Variants in ATP23 observed in about 807,000 individuals in gnomAD.
ATP23 encodes ATP23 metallopeptidase and ATP synthase assembly factor homolog.
A neutral mutation model predicts 28.5 loss-of-function variants in ATP23; 24 were observed. That is an observed-to-expected ratio of 0.84 (90% confidence interval 0.61 to 1.18). The LOEUF (loss-of-function observed/expected upper bound fraction) is 1.18, where lower values mean the gene tolerates loss of function less well. Ranked by LOEUF, ATP23 falls within the 50% of genes most tolerant of loss-of-function variation. The pLI, the probability that ATP23 is intolerant of heterozygous loss-of-function variation, is 0.00. For missense variants in ATP23, 274 were observed against 306.4 expected, an observed-to-expected ratio of 0.89 and a Z score of 0.79; for synonymous variants, 99 against 108.6, an observed-to-expected ratio of 0.91 and a Z score of 0.55.
intron 1 of ATP23, 99 bp from the exon 2 acceptor site, chr12:57,945,529 G>A: frequency 9.9e-7 from 1 of 1,007,396 alleles, no homozygotes; most frequent in Non-Finnish European, 1.5e-6. Flanking sequence ...ACTGCATCTG[G>A]CCTGTGAGTT....
chr12:57,949,710 G>C (rs1367888167), intron 3 of ATP23: 1 of 152,324 alleles, frequency 6.6e-6, no homozygotes, highest in South Asian at 2.1e-4. Context: ...GCCCAGGCTG[G>C]TCTTAAACTC....
chr12:57,941,921 C>A lies in ATP23; in HGVS notation c.187+33C>A, dbSNP rs778067524. The A allele has an allele frequency of 4.4e-6, 7 of 1,607,550 alleles. No homozygotes were observed. In the African/African-American group the frequency reaches 8.1e-5, roughly 18 times the overall value. On this transcript the variant is annotated intron_variant, in intron 1 of 5. Coordinates refer to ENST00000300145, the MANE Select transcript of ATP23 (RefSeq NM_033276.4). ...CCATGACCTGGAGGCTGTGGTTCCA[C>A]AGAATGGGTCTGAGACCGGGTGGGC... is the stretch of plus-strand genomic sequence containing the variant.
At chr12:57,944,628 G>A (rs749414345) in intron 1 of ATP23, among the ~76,000 whole-genome samples, 5 of 152,220 alleles carry the variant, frequency 3.3e-5, no homozygotes, top group African/African-American at 4.8e-5. Context: ...TGTTTCACCA[G>A]CTTTAATTGT....
intron 3 of ATP23, 53 bp downstream of exon 3, chr12:57,947,129 T>G (rs2140530839): frequency 3.9e-6 from 6 of 1,542,082 alleles, no homozygotes; most frequent in Non-Finnish European, 5.4e-6. Flanking sequence ...CTCTTTATAT[T>G]TTTTGAGCAT....
chr12:57,953,468 A>T, intron 4 of ATP23, 138 bp from the exon 5 acceptor site: 1 of 684,384 alleles, frequency 1.5e-6, no homozygotes, highest in Non-Finnish European at 2.4e-6. Context: ...TCCTTTAAGA[A>T]GAAGTGTCAC....
rs937883931 is a variant in ATP23 at position 57,959,012 on chromosome 12, T to C, written c.*2122T>C. 1.3e-5 allele frequency among the ~76,000 whole-genome samples: 2 copies of C among 151,866 alleles called. No individual in the cohort carries two copies. Among genetic ancestry groups the C allele is most frequent in the African/African-American group, 4.8e-5 (2 of 41,342 alleles). ...ATGATATAAGAAGTGAAGGGAGAAA[T>C]ATTCAAGGAAATGGAGAGCTTAAAG... On this transcript the variant is annotated 3_prime_UTR_variant, in exon 6 of 6. Coordinates refer to ENST00000300145, the MANE Select transcript of ATP23 (RefSeq NM_033276.4).
Position 57,941,774 on chromosome 12 carries a change from T to G in ATP23, c.73T>G (p.Cys25Gly). ...GCAGCTGCAGCAGCAACACGTCTCT[T>G]GCCAGGTCTTCCCCGAGCGTCTGGC... The part of the protein sequence containing the change: ...GEQLQQQHVS[C>G]QVFPERLAQG... The change falls in exon 1 of 6, where the codon TGC (cysteine) becomes GGC (glycine). Residue 25 changes from cysteine to glycine, a missense_variant. Coordinates refer to ENST00000300145, the MANE Select transcript of ATP23 (RefSeq NM_033276.4). 6.2e-7 allele frequency: 1 copy of G among 1,602,942 alleles called. No homozygotes were observed. The highest frequency in any genetic ancestry group is 8.5e-7 in the Non-Finnish European group (1 of 1,175,272).
chr12:57,942,908 G>C (rs1475768429), intron 1 of ATP23, among the ~76,000 whole-genome samples: 3 of 152,068 alleles, frequency 2.0e-5, no homozygotes, highest in Non-Finnish European at 4.4e-5. Context: ...CCTTTACATT[G>C]ACATAGACTT....
intron 3 of ATP23, among the ~76,000 whole-genome samples, chr12:57,951,532 AGAG>A (rs1956814230): frequency 6.6e-6 from 1 of 152,128 alleles, no homozygotes; most frequent in Non-Finnish European, 1.5e-5. Context: ...TAGTCCAGAG[AGAG>A]GAGAAGGGAG....
At position 57,956,828 on chromosome 12, in the gene ATP23, A is replaced by T; in HGVS notation, c.679A>T (p.Thr227Ser). 1 of 1,613,932 alleles carries T rather than the reference A, an allele frequency of 6.2e-7. No homozygotes were observed. Among genetic ancestry groups the T allele is most frequent in the Non-Finnish European group, 8.5e-7 (1 of 1,179,926 alleles). ...EPFGRIPHNK[T>S]YARYAHRDFE... ...TTTTGGAAGGATCCCACATAACAAGACTTATGCAAGATATGCTCACAGAGA... is the reference window on the plus strand; with the variant it reads ...TTTTGGAAGGATCCCACATAACAAGTCTTATGCAAGATATGCTCACAGAGA... The change falls in exon 6 of 6, where the codon ACT becomes TCT. Residue 227 changes from threonine (T) to serine (S), a missense_variant. Physicochemically the swap from Thr to Ser is moderately conservative, Grantham distance 58 (BLOSUM62 1). Coordinates refer to ENST00000300145, the MANE Select transcript of ATP23 (RefSeq NM_033276.4).
chr12:57,942,244 C>G (rs973466270), intron 1 of ATP23, among the ~76,000 whole-genome samples: 3 of 152,126 alleles, frequency 2.0e-5, no homozygotes, highest in African/African-American at 7.2e-5. Flanking sequence ...TTAAGGCACA[C>G]AAAGGCTGTA....
intron 1 of ATP23, among the ~76,000 whole-genome samples, chr12:57,943,383 G>C (rs147971315): frequency 1.3e-5 from 2 of 152,062 alleles, no homozygotes; most frequent in South Asian, 4.2e-4. Flanking sequence ...TTGTTGTGAA[G>C]AATAGATTTT....
rs71087605 is a variant in ATP23, at chr12:57,955,280, G to GTTTT, written c.538-1396_538-1393dup. Among the ~76,000 whole-genome samples, 1,347 of 142,124 alleles carry GTTTT rather than the reference G, an allele frequency of 9.5e-3. 30 individuals carry two copies. Among genetic ancestry groups the GTTTT allele is most frequent in the African/African-American group, 0.033 (1,263 of 38,018 alleles). 93.2% of individuals were successfully genotyped at this position (142,124 alleles called of 152,430 possible). A position where few individuals can be genotyped will look rare whatever the true frequency, so the allele number is the denominator to read the frequency against. ...TTGATATACTAAAGAAATAGAGCAT[G>GTTTT]TTTTTTTTTTTTTTAATTCACCTTC... On this transcript the variant is annotated intron_variant, in intron 5 of 5. Coordinates refer to ENST00000300145, the MANE Select transcript of ATP23 (RefSeq NM_033276.4).
intron 1 of ATP23, among the ~76,000 whole-genome samples, chr12:57,944,978 C>T (rs1956745845): frequency 1.3e-5 from 2 of 152,150 alleles, no homozygotes; most frequent in Admixed American, 1.3e-4. Flanking sequence ...TGGCTACTGG[C>T]TTCCTCAAAT....
chr12:57,953,578 T>A (rs769472472), intron 4 of ATP23, 28 bp from the exon 5 acceptor site: 3 of 1,598,270 alleles, frequency 1.9e-6, no homozygotes, highest in Non-Finnish European at 2.6e-6. Context: ...GAGCGTTTAT[T>A]TCTTTTTATT....
intron 1 of ATP23, among the ~76,000 whole-genome samples, chr12:57,944,262 T>C (rs370359848): frequency 6.6e-6 from 1 of 152,192 alleles, no homozygotes; most frequent in Admixed American, 6.5e-5. Flanking sequence ...AACCTATACC[T>C]GACTTTCTCA....
At chr12:57,956,353 CTTT>C (rs530261008) in intron 5 of ATP23, among the ~76,000 whole-genome samples, 2 of 136,070 alleles carry the variant, frequency 1.5e-5, no homozygotes. Flanking sequence ...ACTTTATAGA[CTTT>C]TTTTTTTTTT....
At chr12:57,951,700 G>A (rs1956815766) in intron 3 of ATP23, 58 bp from the exon 4 acceptor site, 8 of 1,591,150 alleles carry the variant, frequency 5.0e-6, no homozygotes, top group African/African-American at 1.3e-5. Context: ...AGAGAAGATC[G>A]AGTCTATGGA....
In ATP23 at chr12:57,958,427, A is replaced by C. The variant is rs1207017082; in HGVS notation, c.*1537A>C. Among the ~76,000 whole-genome samples, 1 of 152,162 alleles carries C rather than the reference A, an allele frequency of 6.6e-6. No individual in the cohort carries two copies. Among genetic ancestry groups the C allele is most frequent in the Admixed American group, 6.5e-5 (1 of 15,274 alleles). On this transcript the variant is annotated 3_prime_UTR_variant, in exon 6 of 6. Coordinates refer to ENST00000300145, the MANE Select transcript of ATP23 (RefSeq NM_033276.4). The stretch of plus-strand genomic sequence containing the variant: ...GCTACCTCCTGGCAGGAGGCCAGCC[A>C]GCACAAAAATAGAGCCTTCAACCAC...
Sources: gnomAD v4.1 joint callset for allele counts (sites outside exome capture counted in the v4.1 genomes callset) on GRCh38, gnomAD v4.1.1 for gene constraint, MANE v1.5 for transcripts, NCBI Gene and HGNC (gene_info 2026-07-23, HGNC 2026-07-21) for gene names.